The following PDE4B variants were observed in gnomAD, a reference collection of about 807,000 sequenced individuals.
PDE4B encodes phosphodiesterase 4B.
PDE4B carries 20 observed loss-of-function variants against 82.2 expected under a neutral mutation model. The ratio of observed to expected loss-of-function variants is 0.24; its 90% confidence interval spans 0.17 to 0.35. The LOEUF is 0.35. Ranked by LOEUF, PDE4B falls within the 10% of genes least tolerant of loss-of-function variation. The probability of loss-of-function intolerance (pLI) is 1.00; values close to 1 mark genes in which losing one functional copy is unlikely to be tolerated. For synonymous variants in PDE4B, 320 were observed against 318.9 expected, an observed-to-expected ratio of 1.00 and a Z score of -0.04; for missense variants, 655 against 907.2, an observed-to-expected ratio of 0.72 and a Z score of 3.57.
intron 3 of PDE4B, among the ~76,000 whole-genome samples, chr1:66,201,793 C>A (rs1272002340): frequency 2.0e-5 from 3 of 152,060 alleles, no homozygotes; most frequent in East Asian, 3.9e-4. Context: ...TTTCAAAAAA[C>A]CAGCTCCTGG....
At chr1:65,936,189 C>T (rs1335987954) in intron 3 of PDE4B, among the ~76,000 whole-genome samples, 1 of 152,148 alleles carries the variant, frequency 6.6e-6, no homozygotes, top group Admixed American at 6.6e-5. Flanking sequence ...AGCAGTAACA[C>T]ACATGGAGTT....
At chr1:66,009,558 T>A (rs1652350662) in intron 3 of PDE4B, among the ~76,000 whole-genome samples, 1 of 152,138 alleles carries the variant, frequency 6.6e-6, no homozygotes, top group African/African-American at 2.4e-5. Context: ...TACCTATTAC[T>A]TCTCCAACTC....
At chr1:66,288,421 C>G (rs1400225052) in intron 7 of PDE4B, among the ~76,000 whole-genome samples, 1 of 152,064 alleles carries the variant, frequency 6.6e-6, no homozygotes, top group Non-Finnish European at 1.5e-5. Context: ...ATATCACAAA[C>G]CTACTTTTTC....
At chr1:65,828,276 T>A (rs757108424) in intron 1 of PDE4B, among the ~76,000 whole-genome samples, 3 of 152,094 alleles carry the variant, frequency 2.0e-5, no homozygotes, top group Non-Finnish European at 4.4e-5. Flanking sequence ...AACAGAGTCT[T>A]ACTCTGTTGC....
chr1:66,035,559 A>G (rs1654017838), intron 3 of PDE4B, among the ~76,000 whole-genome samples: 4 of 152,142 alleles, frequency 2.6e-5, no homozygotes, highest in Admixed American at 2.6e-4. Flanking sequence ...TAGTTTCCAC[A>G]TATAAGTGAG....
At chr1:66,103,438 T>C (rs1027260400) in intron 3 of PDE4B, among the ~76,000 whole-genome samples, 1 of 152,136 alleles carries the variant, frequency 6.6e-6, no homozygotes, top group South Asian at 2.1e-4. Flanking sequence ...GGCCAGCATA[T>C]GTGCCATTGA....
chr1:65,828,562 T>C (rs1374256101), intron 1 of PDE4B, among the ~76,000 whole-genome samples: 1 of 152,132 alleles, frequency 6.6e-6, no homozygotes, highest in Non-Finnish European at 1.5e-5. Flanking sequence ...TTTTTATTCC[T>C]CTAAAGGATA....
chr1:66,127,039 TA>T (rs1052166119), intron 3 of PDE4B, among the ~76,000 whole-genome samples: 2 of 152,070 alleles, frequency 1.3e-5, no homozygotes, highest in Admixed American at 6.6e-5. Context: ...ATAAGGCAAT[TA>T]AAAAACTAAA....
chr1:66,023,779 A>T (rs944489757), intron 3 of PDE4B, among the ~76,000 whole-genome samples: 2 of 152,178 alleles, frequency 1.3e-5, no homozygotes, highest in Non-Finnish European at 2.9e-5. Context: ...GATATAGTGT[A>T]AACTTAATAA....
At chr1:65,899,896 G>A (rs1286860021) in intron 1 of PDE4B, among the ~76,000 whole-genome samples, 2 of 151,744 alleles carry the variant, frequency 1.3e-5, no homozygotes, top group Non-Finnish European at 2.9e-5. Flanking sequence ...GTGGGAAGGG[G>A]GTGAGGGATA....
intron 8 of PDE4B, among the ~76,000 whole-genome samples, chr1:66,339,320 T>C (rs1660784224): frequency 6.6e-6 from 1 of 152,264 alleles, no homozygotes; most frequent in Admixed American, 6.5e-5. Flanking sequence ...AGTATTAGTA[T>C]TAGTGCAATT....
At chr1:65,871,714 C>T (rs1401959967) in intron 1 of PDE4B, among the ~76,000 whole-genome samples, 1 of 152,178 alleles carries the variant, frequency 6.6e-6, no homozygotes, top group East Asian at 1.9e-4. Flanking sequence ...ATTGTGCAGG[C>T]TGCTCCTTCT....
intron 3 of PDE4B, among the ~76,000 whole-genome samples, chr1:65,985,007 T>A (rs1430058633): frequency 1.3e-5 from 2 of 152,160 alleles, no homozygotes; most frequent in African/African-American, 4.8e-5. Context: ...CGTTATGAAC[T>A]AATGAGCCAT....
intron 7 of PDE4B, among the ~76,000 whole-genome samples, chr1:66,280,438 A>G (rs1304411808): frequency 6.6e-6 from 1 of 152,220 alleles, no homozygotes; most frequent in Non-Finnish European, 1.5e-5. Context: ...CTTAAACTCA[A>G]TGGAGGGAAA....
At chr1:65,864,703 C>T (rs1646491578) in intron 1 of PDE4B, among the ~76,000 whole-genome samples, 2 of 152,304 alleles carry the variant, frequency 1.3e-5, no homozygotes, top group African/African-American at 4.8e-5. Flanking sequence ...GGCTGCAGAA[C>T]AGTAAAGATT....
chr1:66,151,791 C>T (rs1158823052), intron 3 of PDE4B, among the ~76,000 whole-genome samples: 5 of 152,168 alleles, frequency 3.3e-5, no homozygotes, highest in Admixed American at 2.0e-4. Flanking sequence ...TCCGATCTTC[C>T]AGAGTGCCTG....
intron 3 of PDE4B, among the ~76,000 whole-genome samples, chr1:66,219,777 C>A (rs1650821190): frequency 6.6e-6 from 1 of 151,968 alleles, no homozygotes; most frequent in African/African-American, 2.4e-5. Context: ...TTCAGAGAAA[C>A]AAGATCAAAG....
At chr1:66,351,045 A>T (rs1040687382) in intron 8 of PDE4B, among the ~76,000 whole-genome samples, 1 of 152,248 alleles carries the variant, frequency 6.6e-6, no homozygotes, top group Non-Finnish European at 1.5e-5. Flanking sequence ...TATCTAGAAA[A>T]TATACCTTCT....
chr1:66,161,608 GTTATTA>G, intron 3 of PDE4B, among the ~76,000 whole-genome samples: 1 of 151,654 alleles, frequency 6.6e-6, no homozygotes, highest in East Asian at 1.9e-4. Context: ...AACCTATAAG[GTTATTA>G]TTATTATTAT....
Sources: gnomAD v4.1 joint callset for allele counts (sites outside exome capture counted in the v4.1 genomes callset) on GRCh38, gnomAD v4.1.1 for gene constraint, MANE v1.5 for transcripts, NCBI Gene and HGNC (gene_info 2026-07-23, HGNC 2026-07-21) for gene names.